Variants in FAM83B observed in about 807,000 individuals in gnomAD.
FAM83B encodes protein FAM83B.
A neutral mutation model predicts 38.8 loss-of-function variants in FAM83B; 26 were observed. The observed-to-expected ratio is 0.67, with a 90% confidence interval of 0.49 to 0.93. The LOEUF is 0.93. Ranked by LOEUF, FAM83B falls within the 40% of genes least tolerant of loss-of-function variation. FAM83B has a pLI of 0.00. For missense variants in FAM83B, 1,237 were observed against 1,197.3 expected (o/e 1.03, Z -0.49); for synonymous variants, 419 against 423.1 (o/e 0.99, Z 0.12).
intron 2 of FAM83B, among the ~76,000 whole-genome samples, chr6:54,924,408 A>T (rs1439282798): frequency 6.6e-6 from 1 of 151,278 alleles, no homozygotes; most frequent in African/African-American, 2.4e-5. Flanking sequence ...GCCAAATTAC[A>T]CAAAAATAGT....
chr6:54,927,756 A>G (rs912624011), intron 4 of FAM83B, 124 bp downstream of exon 4: 1 of 720,774 alleles, frequency 1.4e-6, no homozygotes, highest in Non-Finnish European at 1.9e-6. Flanking sequence ...AAAAAAAAAG[A>G]GAACACTTGC....
At chr6:54,921,110 A>G (rs1025775480) in intron 2 of FAM83B, among the ~76,000 whole-genome samples, 9 of 151,792 alleles carry the variant, frequency 5.9e-5, no homozygotes, top group Non-Finnish European at 1.3e-4. Flanking sequence ...TTCACCTTGG[A>G]TGGCTAAAAA....
Position 54,941,049 on chromosome 6 carries a change from T to G in FAM83B, c.2078T>G (p.Val693Gly). The change falls in exon 5 of 5, where the codon GTT becomes GGT. Residue 693 changes from valine (V) to glycine (G), a missense_variant. Coordinates refer to ENST00000306858, the MANE Select transcript of FAM83B (RefSeq NM_001010872.3). The stretch of plus-strand genomic sequence containing the variant: ...TATAGTACACTTACCAGGAATCGAG[T>G]TAGACAACCAGAAAAGCCCAAAGAA... The part of the protein sequence containing the change: ...YVYSTLTRNR[V>G]RQPEKPKEDL... 1 of 1,613,600 alleles carries G rather than the reference T, an allele frequency of 6.2e-7. No homozygotes were observed. Among genetic ancestry groups the G allele is most frequent in the Non-Finnish European group, 8.5e-7 (1 of 1,179,904 alleles).
intron 2 of FAM83B, among the ~76,000 whole-genome samples, chr6:54,914,304 T>C (rs1243143729): frequency 6.6e-6 from 1 of 152,192 alleles, no homozygotes. Flanking sequence ...AAGTTTATGT[T>C]ACATATTAGA....
At chr6:54,926,839 C>A (rs1434420679) in intron 3 of FAM83B, among the ~76,000 whole-genome samples, 1 of 152,086 alleles carries the variant, frequency 6.6e-6, no homozygotes, top group Non-Finnish European at 1.5e-5. Context: ...TCAAGCAATT[C>A]TCCTGCCTCA....
chr6:54,929,556 G>T (rs1265608382), intron 4 of FAM83B, among the ~76,000 whole-genome samples: 3 of 152,088 alleles, frequency 2.0e-5, no homozygotes, highest in African/African-American at 7.2e-5. Flanking sequence ...ATCAAACTGA[G>T]AGATAATTTT....
At chr6:54,854,006 G>A (rs139381246) in intron 1 of FAM83B, among the ~76,000 whole-genome samples, 1 of 152,166 alleles carries the variant, frequency 6.6e-6, no homozygotes, top group Non-Finnish European at 1.5e-5. Context: ...GTCTTAGAAA[G>A]GTTCAAGACT....
intron 2 of FAM83B, 136 bp downstream of exon 2, chr6:54,870,826 A>G (rs1367861160): frequency 2.8e-5 from 23 of 812,468 alleles, no homozygotes; most frequent in Admixed American, 1.2e-4. Context: ...GAAAGTACCT[A>G]TGGATACACA....
intron 2 of FAM83B, among the ~76,000 whole-genome samples, chr6:54,888,933 C>T (rs1437455872): frequency 6.6e-6 from 1 of 151,974 alleles, no homozygotes; most frequent in Non-Finnish European, 1.5e-5. Flanking sequence ...AGCTATCTCT[C>T]ATTCATTTTT....
chr6:54,887,495 T>G (rs772291984), intron 2 of FAM83B, among the ~76,000 whole-genome samples: 43 of 152,184 alleles, frequency 2.8e-4, no homozygotes, highest in Non-Finnish European at 6.0e-4. Context: ...TTTTAATTCT[T>G]GTATAGTCCT....
At chr6:54,935,346 G>A (rs1047129680) in intron 4 of FAM83B, among the ~76,000 whole-genome samples, 17 of 152,184 alleles carry the variant, frequency 1.1e-4, no homozygotes, top group Admixed American at 9.2e-4. Flanking sequence ...TGGTAATGGG[G>A]TATTGTATAA....
chr6:54,904,009 G>A (rs1772721701), intron 2 of FAM83B, among the ~76,000 whole-genome samples: 1 of 151,390 alleles, frequency 6.6e-6, no homozygotes, highest in African/African-American at 2.4e-5. Context: ...GCTGAAAACT[G>A]TCCTCTGCAT....
intron 2 of FAM83B, among the ~76,000 whole-genome samples, chr6:54,882,672 A>C (rs924189007): frequency 3.9e-5 from 6 of 152,130 alleles, no homozygotes; most frequent in African/African-American, 1.4e-4. Flanking sequence ...CATGGAGTAT[A>C]TGATGAGGCT....
intron 2 of FAM83B, among the ~76,000 whole-genome samples, chr6:54,885,826 G>A (rs1022004401): frequency 6.7e-6 from 1 of 148,162 alleles, no homozygotes; most frequent in African/African-American, 2.5e-5. Context: ...GTGGGACAGG[G>A]GGAGGGGGGA....
rs544969194 is a variant in FAM83B, at chr6:54,880,399, A to T, written c.444+9709A>T. Among the ~76,000 whole-genome samples, 78 of 152,022 alleles carry T rather than the reference A, an allele frequency of 5.1e-4. 1 individual carries two copies. In the South Asian group the frequency reaches 0.011, roughly 21 times the overall value. On this transcript the variant is annotated intron_variant, in intron 2 of 4. Transcript: ENST00000306858. Reference sequence around the variant, plus strand: ...AATACCTCCAAAATATTTATTAGCAAATATGTTTTACTAGTGCGACAAATG... The same window carrying T: ...AATACCTCCAAAATATTTATTAGCATATATGTTTTACTAGTGCGACAAATG...
At chr6:54,927,400 C>A in intron 3 of FAM83B, 108 bp from the exon 4 acceptor site, 4 of 813,624 alleles carry the variant, frequency 4.9e-6, no homozygotes, top group Non-Finnish European at 6.9e-6. Flanking sequence ...TTTTAATTAC[C>A]TTAAGTAAAT....
Position 54,870,698 on chromosome 6 carries a change from C to T in FAM83B, c.444+8C>T. The T allele has an allele frequency of 6.4e-7, 1 of 1,568,960 alleles. No individual in the cohort carries two copies. The highest frequency in any genetic ancestry group is 2.0e-5 in the Admixed American group (1 of 49,134). ...ATAAAAGAAGCAAGAAAGGTAATAACATTTCTATTTTGAAATGAAAAATTT... is the reference window on the plus strand; with the variant it reads ...ATAAAAGAAGCAAGAAAGGTAATAATATTTCTATTTTGAAATGAAAAATTT... On this transcript the variant is annotated splice_region_variant and intron_variant, in intron 2 of 4. Transcript: ENST00000306858.
At chr6:54,849,390 G>A (rs906492428) in intron 1 of FAM83B, among the ~76,000 whole-genome samples, 2 of 152,008 alleles carry the variant, frequency 1.3e-5, no homozygotes, top group Non-Finnish European at 2.9e-5. Context: ...ACAAGAGCTG[G>A]GGGAAATGGT....
At chr6:54,901,422 T>G (rs956600710) in intron 2 of FAM83B, among the ~76,000 whole-genome samples, 1 of 152,068 alleles carries the variant, frequency 6.6e-6, no homozygotes, top group Non-Finnish European at 1.5e-5. Context: ...TGTTACAAGA[T>G]AGTTTTATTT....
Sources: gnomAD v4.1 joint callset for allele counts (sites outside exome capture counted in the v4.1 genomes callset) on GRCh38, gnomAD v4.1.1 for gene constraint, MANE v1.5 for transcripts, NCBI Gene and HGNC (gene_info 2026-07-23, HGNC 2026-07-21) for gene names.